Variants in TRAPPC11 observed in about 807,000 individuals in gnomAD.
TRAPPC11 encodes foie gras homolog.
In TRAPPC11, 104 loss-of-function variants were observed where a neutral mutation model predicts 151.2. The observed-to-expected ratio is 0.69, with a 90% CI of 0.59 to 0.81. The LOEUF (loss-of-function observed/expected upper bound fraction) is 0.81, where lower values mean the gene tolerates loss of function less well. Among genes scored for constraint, TRAPPC11 ranks in the 30% least tolerant of loss-of-function variants. TRAPPC11 has a pLI of 0.00. For missense variants in TRAPPC11, 1,230 were observed against 1,349.6 expected (o/e 0.91, Z 1.39); for synonymous variants, 456 against 472.3 (o/e 0.97, Z 0.45).
At chr4:183,703,785 C>A (rs892040160) in intron 26 of TRAPPC11, among the ~76,000 whole-genome samples, 1 of 152,222 alleles carries the variant, frequency 6.6e-6, no homozygotes, top group African/African-American at 2.4e-5. Context: ...TCCCTGGCAC[C>A]ACCCTTATAG....
rs1735767573 is a variant in TRAPPC11 at position 183,682,826 on chromosome 4, G to T, written c.1207+1G>T. ...AGATCATGGCGACAAGGAATACTAAGTAAATAATTTTTCCCTCTGTCCTTT... is the reference window on the plus strand; with the variant it reads ...AGATCATGGCGACAAGGAATACTAATTAAATAATTTTTCCCTCTGTCCTTT... On this transcript the variant is annotated splice_donor_variant, in intron 11 of 29. Transcript: ENST00000334690. LOFTEE classifies it high-confidence loss of function. The T allele has an allele frequency of 6.2e-7, 1 of 1,607,322 alleles. No individual in the cohort carries two copies. The highest frequency in any genetic ancestry group is 1.3e-5 in the African/African-American group (1 of 74,894).
chr4:183,668,003 GAGA>G lies in TRAPPC11; in HGVS notation c.450_452del (p.Glu150del). ...TCATCTTGATGGGGATTATCAACAGGAGAAGATGTCATTGCTTCAGAAAGGGCT... is the reference window on the plus strand; with the variant it reads ...TCATCTTGATGGGGATTATCAACAGGAGATGTCATTGCTTCAGAAAGGGCT... On this transcript the variant is annotated inframe_deletion and splice_region_variant, in exon 5 of 30. Transcript: ENST00000334690. The G allele has an allele frequency of 6.4e-7, 1 of 1,572,234 alleles. No individual in the cohort carries two copies. The highest frequency in any genetic ancestry group is 8.8e-7 in the Non-Finnish European group (1 of 1,142,770).
intron 18 of TRAPPC11, among the ~76,000 whole-genome samples, 179 bp from the exon 19 acceptor site, chr4:183,691,137 T>C (rs970217141): frequency 1.3e-5 from 2 of 152,252 alleles, no homozygotes; most frequent in Non-Finnish European, 2.9e-5. Flanking sequence ...TGAACTGTTA[T>C]ATTATGGCAG....
rs1373649476 is a variant in TRAPPC11, at chr4:183,683,956, T to C, written c.1208-19T>C. ...ATTAAATGAGCTGTCTAAAATGAGT[T>C]GTGTCTCATCTTACGCAGGTTTTGA... On this transcript the variant is annotated intron_variant, in intron 11 of 29. Transcript: ENST00000334690. 6.2e-7 allele frequency: 1 copy of C among 1,600,068 alleles called. No individual in the cohort carries two copies. Among genetic ancestry groups the C allele is most frequent in the Non-Finnish European group, 8.6e-7 (1 of 1,167,390 alleles).
intron 1 of TRAPPC11, among the ~76,000 whole-genome samples, chr4:183,663,232 A>AT (rs933875683): frequency 5.3e-5 from 8 of 150,966 alleles, no homozygotes; most frequent in Non-Finnish European, 8.9e-5. Flanking sequence ...TGTCCAGCTA[A>AT]TTTTTTGTTT....
chr4:183,709,710 G>A (rs1737246520), intron 29 of TRAPPC11, among the ~76,000 whole-genome samples: 1 of 152,208 alleles, frequency 6.6e-6, no homozygotes, highest in Non-Finnish European at 1.5e-5. Flanking sequence ...AGGAGGCAGA[G>A]CTTGCAGTGA....
At chr4:183,686,377 TC>T (rs1298640197) in intron 17 of TRAPPC11, among the ~76,000 whole-genome samples, 1 of 152,224 alleles carries the variant, frequency 6.6e-6, no homozygotes, top group East Asian at 1.9e-4. Context: ...CCTCAAGTGA[TC>T]CGCCTGGCTT....
chr4:183,707,923 C>CTT (rs142031641), intron 28 of TRAPPC11, among the ~76,000 whole-genome samples: 3 of 149,698 alleles, frequency 2.0e-5, no homozygotes, highest in Non-Finnish European at 3.0e-5. Flanking sequence ...TTCAAAACAT[C>CTT]TTTTTTTTTT....
chr4:183,687,485 C>T (rs1462350704), intron 18 of TRAPPC11, among the ~76,000 whole-genome samples: 2 of 152,088 alleles, frequency 1.3e-5, no homozygotes, highest in Non-Finnish European at 2.9e-5. Context: ...CCTGCCACCA[C>T]GTCTGGCTAA....
At position 183,684,295 on chromosome 4, in the gene TRAPPC11, T is replaced by C. The variant is rs554610057; in HGVS notation, c.1367-10T>C. On this transcript the variant is annotated splice_polypyrimidine_tract_variant and intron_variant, in intron 13 of 29. Coordinates refer to ENST00000334690, the MANE Select transcript of TRAPPC11 (RefSeq NM_021942.6). ...TAAGTTACATACATAAATCTTTTTT[T>C]CCTTTATAGTGGTTCAGATGGGAGA... is the stretch of plus-strand genomic sequence containing the variant. The C allele has an allele frequency of 5.0e-6, 8 of 1,613,648 alleles. No homozygotes were observed. The highest frequency in any genetic ancestry group is 1.1e-5 in the South Asian group (1 of 91,054).
chr4:183,661,427 A>G (rs7659470), intron 1 of TRAPPC11, among the ~76,000 whole-genome samples: 43 of 133,360 alleles, frequency 3.2e-4, no homozygotes, highest in East Asian at 9.7e-4. Flanking sequence ...GCTGGAGTGC[A>G]GTGGCGCGAT....
Position 183,708,417 on chromosome 4 carries a change from G to T in TRAPPC11, c.3200G>T (p.Arg1067Leu). The change falls in exon 29 of 30, where the codon CGT becomes CTT. Residue 1067 changes from arginine (R) to leucine (L), a missense_variant. Transcript: ENST00000334690. ...CTTTTTATGATGCAGATTCGATTAC[G>T]TATCCTCCCTGGCACGGAGCAGGAA... ...MFSGLKQIRL[R>L]ILPGTEQEML... 9 of 1,612,380 alleles carry T rather than the reference G, an allele frequency of 5.6e-6. No individual in the cohort carries two copies. The highest frequency in any genetic ancestry group is 7.6e-6 in the Non-Finnish European group (9 of 1,179,326).
intron 5 of TRAPPC11, among the ~76,000 whole-genome samples, chr4:183,673,376 T>C (rs1031935252): frequency 1.3e-5 from 2 of 152,160 alleles, no homozygotes; most frequent in African/African-American, 4.8e-5. Flanking sequence ...GTTTTGAAAA[T>C]AGAAAAATCT....
chr4:183,698,391 G>A (rs1395112545), intron 25 of TRAPPC11, among the ~76,000 whole-genome samples: 1 of 151,840 alleles, frequency 6.6e-6, no homozygotes, highest in Non-Finnish European at 1.5e-5. Context: ...GTTTTCTCTT[G>A]TGTGTTTGGA....
intron 7 of TRAPPC11, among the ~76,000 whole-genome samples, chr4:183,676,021 T>C (rs918529906): frequency 2.0e-5 from 3 of 152,190 alleles, no homozygotes; most frequent in Admixed American, 2.0e-4. Context: ...TAAATAAAAA[T>C]AATTTTATTA....
chr4:183,668,533 A>G (rs1034286226), intron 5 of TRAPPC11, among the ~76,000 whole-genome samples: 2 of 150,370 alleles, frequency 1.3e-5, no homozygotes, highest in African/African-American at 4.8e-5. Context: ...TTTCTCCATT[A>G]TACTTTCCAG....
intron 27 of TRAPPC11, 85 bp downstream of exon 27, chr4:183,705,155 T>G: frequency 9.9e-7 from 1 of 1,014,330 alleles, no homozygotes; most frequent in Non-Finnish European, 1.5e-6. Flanking sequence ...ATTTTAACAT[T>G]CTATTTAGAA....
At chr4:183,676,146 T>C (rs1735395071) in intron 7 of TRAPPC11, among the ~76,000 whole-genome samples, 1 of 152,154 alleles carries the variant, frequency 6.6e-6, no homozygotes, top group Non-Finnish European at 1.5e-5. Context: ...CTGGCTTTAA[T>C]GTAGTTCATT....
intron 5 of TRAPPC11, among the ~76,000 whole-genome samples, chr4:183,670,796 T>G (rs1238487143): frequency 6.6e-6 from 1 of 151,958 alleles, no homozygotes; most frequent in Admixed American, 6.6e-5. Context: ...GGTTTTTGGT[T>G]TTTTTTTGAG....
Sources: allele counts gnomAD v4.1 joint callset (sites outside exome capture counted in the v4.1 genomes callset), GRCh38; gene constraint gnomAD v4.1.1; transcripts MANE v1.5; gene names NCBI Gene and HGNC (gene_info 2026-07-23, HGNC 2026-07-21).